Variants in DEPDC1 observed in about 807,000 individuals in gnomAD.
DEPDC1 encodes the protein DEP domain-containing protein 1A.
In DEPDC1, 66 loss-of-function variants were observed where a neutral mutation model predicts 86.8. That is an observed-to-expected ratio of 0.76 (90% confidence interval 0.62 to 0.93). The LOEUF (loss-of-function observed/expected upper bound fraction) is 0.93, where lower values mean the gene tolerates loss of function less well. Among genes scored for constraint, DEPDC1 ranks in the 40% least tolerant of loss-of-function variants. The probability of loss-of-function intolerance (pLI) is 0.00; values close to 1 mark genes in which losing one functional copy is unlikely to be tolerated. For synonymous variants in DEPDC1, 255 were observed against 314.9 expected (o/e 0.81, Z 2.02); for missense variants, 792 against 935.7 (o/e 0.85, Z 2.00).
At position 68,479,289 on chromosome 1, in the gene DEPDC1, C is replaced by A. The variant is rs376259523; in HGVS notation, c.1967G>T (p.Cys656Phe). 1.2e-5 allele frequency: 20 copies of A among 1,606,458 alleles called. No homozygotes were observed. The highest frequency in any genetic ancestry group is 1.5e-5 in the Non-Finnish European group (18 of 1,177,476). ...MIHTFSRCVL[C>F]CAEEVDLDEL... ...ATCAAGATCCACTTCTTCAGCACAGCATAACACACATCGAGAAAAGGTATG... is the reference window on the plus strand; with the variant it reads ...ATCAAGATCCACTTCTTCAGCACAGAATAACACACATCGAGAAAAGGTATG... Residue 656 changes from cysteine to phenylalanine, a missense_variant, in exon 10 of 12, where the codon TGC becomes TTC. Cys to Phe is a radical substitution (Grantham distance 205). Transcript: ENST00000456315.
chr1:68,485,985 T>A (rs1307780660), intron 6 of DEPDC1, among the ~76,000 whole-genome samples: 1 of 152,120 alleles, frequency 6.6e-6, no homozygotes, highest in Admixed American at 6.6e-5. Flanking sequence ...TTTGTACATT[T>A]AAAAAATTAA....
chr1:68,496,548 C>T lies in DEPDC1; in HGVS notation c.48+404G>A, dbSNP rs1646266484. Reference sequence around the variant, plus strand: ...TTGCCACATTCGGGCTTGCCCCCCACCTAACCCTACAAAGCTTTGGACCTC... The same window carrying T: ...TTGCCACATTCGGGCTTGCCCCCCATCTAACCCTACAAAGCTTTGGACCTC... On this transcript the variant is annotated intron_variant, in intron 1 of 11. Transcript: ENST00000456315. The surrounding 1 kb of genome is among the most constrained non-coding windows in gnomAD (Gnocchi z 4.0). 5.3e-6 allele frequency: 1 copy of T among 188,130 alleles called. No individual in the cohort carries two copies. Among genetic ancestry groups the T allele is most frequent in the Admixed American group, 6.1e-5 (1 of 16,350 alleles). 11.7% of individuals were successfully genotyped at this position (188,130 alleles called of 1,614,324 possible).
intron 1 of DEPDC1, among the ~76,000 whole-genome samples, chr1:68,495,309 A>G (rs7521138): frequency 0.36 from 54,223 of 152,088 alleles, 10,341 homozygotes; most frequent in Middle Eastern, 0.63. Flanking sequence ...AGGAAGAACT[A>G]CAATCAATAG....
intron 2 of DEPDC1, among the ~76,000 whole-genome samples, chr1:68,492,806 A>G (rs1646238622): frequency 6.6e-6 from 1 of 152,220 alleles, no homozygotes; most frequent in Non-Finnish European, 1.5e-5. Context: ...AGGGAGCACA[A>G]TAGACTAAAT....
rs1295926052 is a variant in DEPDC1 at position 68,474,892 on chromosome 1, C to T, written c.*2040G>A. The T allele has an allele frequency of 1.3e-5, 2 of 151,938 alleles. No individual in the cohort carries two copies. Among genetic ancestry groups the T allele is most frequent in the Non-Finnish European group, 2.9e-5 (2 of 67,918 alleles). The allele number at this position is 151,938 out of a possible 1,614,324, so 9.4% of individuals were successfully genotyped here. Reference sequence around the variant, plus strand: ...ATAGTTAATAAGGCTCATCAATTGTCCGTAATTTTGTTTTGGTTCATGTCT... The same window carrying T: ...ATAGTTAATAAGGCTCATCAATTGTTCGTAATTTTGTTTTGGTTCATGTCT... On this transcript the variant is annotated 3_prime_UTR_variant, in exon 12 of 12. Coordinates refer to ENST00000456315, the MANE Select transcript of DEPDC1 (RefSeq NM_001114120.3).
intron 4 of DEPDC1, among the ~76,000 whole-genome samples, 175 bp downstream of exon 4, chr1:68,488,741 C>T (rs1406854184): frequency 6.6e-6 from 1 of 151,736 alleles, no homozygotes; most frequent in Non-Finnish European, 1.5e-5. Context: ...CCGAAACATT[C>T]AATTTCTACT....
At chr1:68,484,995 T>C (rs971157230) in intron 6 of DEPDC1, among the ~76,000 whole-genome samples, 5 of 151,682 alleles carry the variant, frequency 3.3e-5, no homozygotes, top group Non-Finnish European at 5.9e-5. Context: ...CTGGAGAGTC[T>C]CTTTAGTGAC....
chr1:68,493,108 T>C (rs1198476773), intron 2 of DEPDC1, among the ~76,000 whole-genome samples: 3 of 151,990 alleles, frequency 2.0e-5, no homozygotes, highest in Non-Finnish European at 4.4e-5. Context: ...AACTTGAAGA[T>C]GGGAGAGTTA....
intron 10 of DEPDC1, among the ~76,000 whole-genome samples, chr1:68,478,584 G>T (rs901368312): frequency 6.7e-6 from 1 of 149,244 alleles, no homozygotes; most frequent in Non-Finnish European, 1.5e-5. Flanking sequence ...ACATAAACAT[G>T]TGTTGGGCAG....
At chr1:68,487,018 A>G in intron 5 of DEPDC1, 34 bp from the exon 6 acceptor site, 1 of 1,578,418 alleles carries the variant, frequency 6.3e-7, no homozygotes, top group Non-Finnish European at 8.6e-7. Flanking sequence ...TAAGTAAACC[A>G]TACATTTTTT....
intron 8 of DEPDC1, 24 bp from the exon 9 acceptor site, chr1:68,481,636 A>C: frequency 2.8e-6 from 4 of 1,405,074 alleles, no homozygotes; most frequent in Non-Finnish European, 3.7e-6. Flanking sequence ...ATACCCCCCC[A>C]AAAATCATCA....
chr1:68,483,218 TATAAG>T (rs1052870332), intron 7 of DEPDC1: 256 of 536,098 alleles, frequency 4.8e-4, no homozygotes, highest in Non-Finnish European at 6.1e-4. Flanking sequence ...ACCTCATAAA[TATAAG>T]ATAATTGTGG....
At chr1:68,487,483 A>G (rs1458606416) in intron 5 of DEPDC1, among the ~76,000 whole-genome samples, 1 of 152,020 alleles carries the variant, frequency 6.6e-6, no homozygotes, top group African/African-American at 2.4e-5. Context: ...AATATGTTCC[A>G]TAGAAATCTA....
intron 8 of DEPDC1, 174 bp from the exon 9 acceptor site, chr1:68,481,786 CA>C: frequency 3.1e-6 from 2 of 641,344 alleles, no homozygotes; most frequent in Non-Finnish European, 2.4e-6. Context: ...ATTTTCTTTA[CA>C]ACTTATTTCT....
intron 2 of DEPDC1, among the ~76,000 whole-genome samples, chr1:68,493,780 A>G (rs1354364570): frequency 6.6e-6 from 1 of 152,126 alleles, no homozygotes; most frequent in Non-Finnish European, 1.5e-5. Flanking sequence ...CAGTGGTGCA[A>G]TCTCAGCTCA....
intron 2 of DEPDC1, among the ~76,000 whole-genome samples, chr1:68,493,335 T>C (rs1646241718): frequency 6.6e-6 from 1 of 152,186 alleles, no homozygotes; most frequent in Non-Finnish European, 1.5e-5. Flanking sequence ...AGCATGGGCA[T>C]TAGATTCCAC....
Position 68,489,576 on chromosome 1 carries a change from G to A in DEPDC1, c.347C>T (p.Pro116Leu), listed in dbSNP as rs1449257387. The change falls in exon 3 of 12, where the codon CCA becomes CTA. Residue 116 changes from proline to leucine, a missense_variant. Transcript: ENST00000456315. ...FPATSPLKTLPRRYPELRKNN... is the reference protein window; with the variant it reads ...FPATSPLKTLLRRYPELRKNN... The stretch of plus-strand genomic sequence containing the variant: ...TTTTCTCAATTCTGGATACCTTCGT[G>A]GTAGAGTTTTAAGTGGCGAAGTTGC... 6.5e-7 allele frequency: 1 copy of A among 1,539,746 alleles called. No individual in the cohort carries two copies. Among genetic ancestry groups the A allele is most frequent in the Non-Finnish European group, 8.7e-7 (1 of 1,154,124 alleles).
chr1:68,494,638 G>A lies in DEPDC1; in HGVS notation c.106C>T (p.His36Tyr). ...AGMPLRKHRQ[H>Y]FKKYGNCFTA... ...AAACAATTGCCATATTTTTTAAAGT[G>A]TTGTCTGTGTTTTCTTAGAGGCATT... The change falls in exon 2 of 12, where the codon CAC becomes TAC. Residue 36 changes from histidine to tyrosine, a missense_variant. By Grantham distance (83) the His-to-Tyr change is moderately conservative (BLOSUM62 2). Transcript: ENST00000456315. 1.2e-6 allele frequency: 2 copies of A among 1,613,582 alleles called. No individual in the cohort carries two copies. Among genetic ancestry groups the A allele is most frequent in the Admixed American group, 1.7e-5 (1 of 60,002 alleles).
At chr1:68,481,978 G>A in intron 8 of DEPDC1, 68 bp downstream of exon 8, 1 of 1,428,632 alleles carries the variant, frequency 7.0e-7, no homozygotes, top group Non-Finnish European at 9.3e-7. Context: ...GAAAAGCCAG[G>A]TAAGCAAAAC....
Sources: allele counts gnomAD v4.1 joint callset (sites outside exome capture counted in the v4.1 genomes callset), GRCh38; gene constraint gnomAD v4.1.1; non-coding constraint Gnocchi (gnomAD v3.1); transcripts MANE v1.5; gene names NCBI Gene and HGNC (gene_info 2026-07-23, HGNC 2026-07-21).